SLC25A31: variants seen among roughly 807,000 people sequenced by gnomAD.
SLC25A31 encodes solute carrier family 25 member 31.
SLC25A31 carries 40 observed loss-of-function variants against 36.2 expected under a neutral mutation model. The ratio of observed to expected loss-of-function variants is 1.10; its 90% confidence interval spans 0.86 to 1.44. SLC25A31 has a LOEUF of 1.44. Among genes scored for constraint, SLC25A31 ranks in the 40% most tolerant of loss-of-function variants. The pLI, the probability that SLC25A31 is intolerant of heterozygous loss-of-function variation, is 0.00. For missense variants in SLC25A31, 350 were observed against 397.1 expected, an observed-to-expected ratio of 0.88 and a Z score of 1.01; for synonymous variants, 143 against 149.7, an observed-to-expected ratio of 0.96 and a Z score of 0.32.
At chr4:127,760,225 C>T (rs1732101950) in intron 2 of SLC25A31, among the ~76,000 whole-genome samples, 1 of 152,186 alleles carries the variant, frequency 6.6e-6, no homozygotes. Flanking sequence ...CTGTATATTA[C>T]TCCTTATAAT....
chr4:127,753,196 A>G (rs1171634055), intron 2 of SLC25A31, among the ~76,000 whole-genome samples: 2 of 152,200 alleles, frequency 1.3e-5, no homozygotes, highest in Non-Finnish European at 2.9e-5. Context: ...CTTATAGGGT[A>G]TAGCAAAAGC....
At chr4:127,758,687 A>G (rs1385545980) in intron 2 of SLC25A31, among the ~76,000 whole-genome samples, 1 of 152,218 alleles carries the variant, frequency 6.6e-6, no homozygotes, top group Non-Finnish European at 1.5e-5. Context: ...TCTTCTGCAT[A>G]TGGCTAGCCA....
intron 2 of SLC25A31, among the ~76,000 whole-genome samples, chr4:127,762,910 C>T (rs1268486973): frequency 6.8e-6 from 1 of 147,328 alleles, no homozygotes; most frequent in South Asian, 2.1e-4. Flanking sequence ...GGCGACAGAG[C>T]GAGACTCTGT....
chr4:127,763,359 A>G (rs1044710464), intron 2 of SLC25A31, among the ~76,000 whole-genome samples: 2 of 152,222 alleles, frequency 1.3e-5, no homozygotes, highest in Non-Finnish European at 2.9e-5. Flanking sequence ...CTGACACTTT[A>G]TTGTTAGAAA....
chr4:127,741,967 G>A (rs1324024664), intron 1 of SLC25A31, among the ~76,000 whole-genome samples: 1 of 152,008 alleles, frequency 6.6e-6, no homozygotes, highest in African/African-American at 2.4e-5. Context: ...TATGTTAGTG[G>A]TAATGTCTTT....
intron 2 of SLC25A31, among the ~76,000 whole-genome samples, chr4:127,745,211 A>G (rs566470005): frequency 9.9e-5 from 15 of 152,164 alleles, no homozygotes; most frequent in Non-Finnish European, 1.8e-4. Flanking sequence ...GAATAAAGAT[A>G]TATTTAGCTG....
chr4:127,753,178 T>C (rs1390430148), intron 2 of SLC25A31, among the ~76,000 whole-genome samples: 1 of 152,016 alleles, frequency 6.6e-6, no homozygotes, highest in Non-Finnish European at 1.5e-5. Context: ...AAGCACAACA[T>C]AGCAAAACTT....
chr4:127,769,490 G>T (rs1441617134), intron 5 of SLC25A31, among the ~76,000 whole-genome samples: 1 of 152,178 alleles, frequency 6.6e-6, no homozygotes, highest in African/African-American at 2.4e-5. Flanking sequence ...CAGCTGGTAA[G>T]TATACAAAGC....
chr4:127,737,782 C>T (rs952947788), intron 1 of SLC25A31, among the ~76,000 whole-genome samples: 5 of 151,226 alleles, frequency 3.3e-5, no homozygotes, highest in Non-Finnish European at 7.4e-5. Flanking sequence ...TGGTCTCAAA[C>T]TTCTGGCCTC....
chr4:127,769,910 G>A (rs1732320587), intron 5 of SLC25A31, among the ~76,000 whole-genome samples: 1 of 152,194 alleles, frequency 6.6e-6, no homozygotes, highest in South Asian at 2.1e-4. Flanking sequence ...TTTTATGAGG[G>A]CAAGTGAAAA....
chr4:127,764,371 T>A lies in SLC25A31; in HGVS notation c.478+11T>A. The stretch of plus-strand genomic sequence containing the variant: ...TCGATATTGGAAAAGGTATGAGATT[T>A]TTAGAAATACTAACTTTTCCTTCTT... On this transcript the variant is annotated intron_variant, in intron 3 of 5. Coordinates refer to ENST00000281154, the MANE Select transcript of SLC25A31 (RefSeq NM_031291.4). 2 of 1,590,402 alleles carry A rather than the reference T, an allele frequency of 1.3e-6. No individual in the cohort carries two copies. The highest frequency in any genetic ancestry group is 1.7e-6 in the Non-Finnish European group (2 of 1,160,344).
intron 1 of SLC25A31, among the ~76,000 whole-genome samples, chr4:127,743,642 GAGA>G (rs1317418649): frequency 6.6e-6 from 1 of 152,164 alleles, no homozygotes; most frequent in African/African-American, 2.4e-5. Context: ...TATGAGTACT[GAGA>G]AGATTATTTC....
chr4:127,760,167 A>G (rs1020914481), intron 2 of SLC25A31, among the ~76,000 whole-genome samples: 7 of 152,216 alleles, frequency 4.6e-5, no homozygotes, highest in African/African-American at 1.4e-4. Context: ...TGTACTACAC[A>G]TATGCTTAGT....
chr4:127,739,355 T>C (rs1291269640), intron 1 of SLC25A31, among the ~76,000 whole-genome samples: 1 of 152,170 alleles, frequency 6.6e-6, no homozygotes, highest in Non-Finnish European at 1.5e-5. Flanking sequence ...ATGTATAAAA[T>C]TTAGTTTGGT....
At chr4:127,762,902 C>T (rs558675509) in intron 2 of SLC25A31, among the ~76,000 whole-genome samples, 17 of 146,532 alleles carry the variant, frequency 1.2e-4, no homozygotes, top group East Asian at 1.0e-3. Flanking sequence ...CCAGCCTGGG[C>T]GACAGAGCGA....
At chr4:127,762,659 C>G (rs1156551308) in intron 2 of SLC25A31, among the ~76,000 whole-genome samples, 1 of 152,132 alleles carries the variant, frequency 6.6e-6, no homozygotes, top group Non-Finnish European at 1.5e-5. Flanking sequence ...TGGCTCACAC[C>G]TGTAATCCCA....
At chr4:127,772,095 C>T (rs2148767034) in intron 5 of SLC25A31, among the ~76,000 whole-genome samples, 1 of 152,198 alleles carries the variant, frequency 6.6e-6, no homozygotes, top group Non-Finnish European at 1.5e-5. Context: ...TCATAAAATA[C>T]GTTGAGGAGT....
intron 2 of SLC25A31, among the ~76,000 whole-genome samples, chr4:127,753,674 T>A (rs1731978018): frequency 6.6e-6 from 1 of 151,970 alleles, no homozygotes; most frequent in Non-Finnish European, 1.5e-5. Flanking sequence ...AGTAAGGAAA[T>A]TAAGTCCATA....
chr4:127,758,497 T>G (rs1188026172), intron 2 of SLC25A31, among the ~76,000 whole-genome samples: 6 of 152,216 alleles, frequency 3.9e-5, no homozygotes, highest in Non-Finnish European at 7.3e-5. Context: ...TCAATTTTTG[T>G]TTTTGTTGCA....
Sources: allele counts gnomAD v4.1 joint callset (sites outside exome capture counted in the v4.1 genomes callset), GRCh38; gene constraint gnomAD v4.1.1; transcripts MANE v1.5; gene names NCBI Gene and HGNC (gene_info 2026-07-23, HGNC 2026-07-21).